The following MOCOS variants were observed in gnomAD, a reference collection of about 807,000 sequenced individuals.
MOCOS encodes the protein molybdenum cofactor sulfurase, also known as human molybdenum cofactor sulfurase.
Under a neutral mutation model 83.6 loss-of-function variants are expected in MOCOS, and 86 were observed. The observed-to-expected ratio is 1.03, with a 90% CI of 0.86 to 1.23. MOCOS has a LOEUF of 1.23. MOCOS is among the 50% of genes most tolerant of loss of function. The pLI is 0.00. For synonymous variants in MOCOS, 445 were observed against 434.7 expected (o/e 1.02, Z -0.29); for missense variants, 1,120 against 1,126.9 (o/e 0.99, Z 0.09).
At chr18:36,225,488 G>A (rs1029601155) in intron 9 of MOCOS, among the ~76,000 whole-genome samples, 2 of 152,166 alleles carry the variant, frequency 1.3e-5, no homozygotes, top group African/African-American at 4.8e-5. Flanking sequence ...AAGCTTGTCA[G>A]TTCTGTTTTT....
intron 13 of MOCOS, among the ~76,000 whole-genome samples, chr18:36,266,276 C>T (rs2091681644): frequency 6.6e-6 from 1 of 152,158 alleles, no homozygotes; most frequent in Admixed American, 6.5e-5. Context: ...GATGGGATTA[C>T]AGGCATGCAT....
At chr18:36,239,269 G>A (rs942366400) in intron 9 of MOCOS, among the ~76,000 whole-genome samples, 2 of 151,838 alleles carry the variant, frequency 1.3e-5, no homozygotes, top group African/African-American at 4.8e-5. Flanking sequence ...GCAGCGGCTG[G>A]TACCAGTTTT....
At chr18:36,207,992 C>T (rs1261792851) in intron 6 of MOCOS, among the ~76,000 whole-genome samples, 2 of 152,044 alleles carry the variant, frequency 1.3e-5, no homozygotes, top group African/African-American at 2.4e-5. Flanking sequence ...GAAAGGGTCC[C>T]ATTTCAATCT....
At chr18:36,210,382 C>A (rs1459896429) in intron 6 of MOCOS, among the ~76,000 whole-genome samples, 1 of 152,104 alleles carries the variant, frequency 6.6e-6, no homozygotes, top group African/African-American at 2.4e-5. Flanking sequence ...AGACCCCTTG[C>A]CCCCACTGCC....
At chr18:36,267,995 G>A (rs1194782030) in intron 14 of MOCOS, among the ~76,000 whole-genome samples, 1 of 152,192 alleles carries the variant, frequency 6.6e-6, no homozygotes, top group Non-Finnish European at 1.5e-5. Context: ...AGATCGGAGA[G>A]CATGTCAAGT....
intron 9 of MOCOS, among the ~76,000 whole-genome samples, chr18:36,233,089 T>C (rs1438531280): frequency 6.6e-6 from 1 of 152,152 alleles, no homozygotes; most frequent in Non-Finnish European, 1.5e-5. Context: ...GTAAGTTCTT[T>C]AGGTGTGATT....
At chr18:36,241,117 G>A (rs969170370) in intron 9 of MOCOS, among the ~76,000 whole-genome samples, 3 of 152,168 alleles carry the variant, frequency 2.0e-5, no homozygotes, top group African/African-American at 4.8e-5. Flanking sequence ...GCTGGGAGCT[G>A]TAGACCGGAG....
intron 14 of MOCOS, 71 bp downstream of exon 14, chr18:36,266,924 A>T: frequency 7.9e-7 from 1 of 1,268,016 alleles, no homozygotes; most frequent in South Asian, 1.3e-5. Context: ...CTATGTTCAT[A>T]ATAGCACAGA....
chr18:36,211,911 C>T (rs1373987994), intron 6 of MOCOS, among the ~76,000 whole-genome samples: 1 of 152,170 alleles, frequency 6.6e-6, no homozygotes, highest in East Asian at 1.9e-4. Context: ...AGAGATGATG[C>T]CCTATTGGCT....
chr18:36,258,688 T>C (rs111481325), intron 12 of MOCOS, among the ~76,000 whole-genome samples: 24 of 152,016 alleles, frequency 1.6e-4, no homozygotes, highest in African/African-American at 5.8e-4. Flanking sequence ...TAAAAATTGA[T>C]TGAAGCACAA....
In MOCOS at chr18:36,199,874, C is replaced by G; in HGVS notation, c.491C>G (p.Ala164Gly). Residue 164 changes from alanine to glycine, a missense_variant, in exon 4 of 15, where the codon GCT becomes GGT. Ala to Gly is a moderately conservative substitution (Grantham distance 60). Transcript: ENST00000261326. ...SVVGMRNVTM[A>G]INVISTPVRP... ...GTGGGTATGCGGAACGTGACCATGG[C>G]TATAAATGTCATATCCACCCCGGTC... The G allele has an allele frequency of 6.2e-7, 1 of 1,614,000 alleles. No homozygotes were observed. The highest frequency in any genetic ancestry group is 8.5e-7 in the Non-Finnish European group (1 of 1,179,906).
chr18:36,266,382 C>T (rs139367883), intron 13 of MOCOS, among the ~76,000 whole-genome samples: 3,383 of 152,120 alleles, frequency 0.022, 61 homozygotes, highest in Non-Finnish European at 0.035. Context: ...GTGAACAGTC[C>T]GCCTCTGCCT....
rs964121156 is a variant in MOCOS, at chr18:36,271,664, G to A, written c.*2979G>A. ...AAGTCCTTTTTTAAAAAAACTTGGT[G>A]AGAACAGACAATAACTTGTCTTTCT... On this transcript the variant is annotated 3_prime_UTR_variant, in exon 15 of 15. Transcript: ENST00000261326. 1 of 152,188 alleles carries A rather than the reference G, an allele frequency of 6.6e-6. No individual in the cohort carries two copies. The highest frequency in any genetic ancestry group is 2.4e-5 in the African/African-American group (1 of 41,452). 9.4% of individuals were successfully genotyped at this position (152,188 alleles called of 1,614,324 possible). A position where few individuals can be genotyped will look rare whatever the true frequency, so the allele number is the denominator to read the frequency against.
intron 5 of MOCOS, among the ~76,000 whole-genome samples, chr18:36,203,939 A>G (rs1020209086): frequency 6.6e-6 from 1 of 152,154 alleles, no homozygotes; most frequent in Admixed American, 6.5e-5. Flanking sequence ...AGGGCCCCCA[A>G]ACTGCAGGTG....
At chr18:36,188,942 T>C (rs555696722) in intron 1 of MOCOS, among the ~76,000 whole-genome samples, 1 of 151,892 alleles carries the variant, frequency 6.6e-6, no homozygotes, top group Admixed American at 6.5e-5. Context: ...CTCTCTCAAC[T>C]ATTAATTATG....
chr18:36,227,471 C>A (rs1716822216), intron 9 of MOCOS, among the ~76,000 whole-genome samples: 1 of 151,934 alleles, frequency 6.6e-6, no homozygotes, highest in African/African-American at 2.4e-5. Flanking sequence ...TCCCAGCTCA[C>A]TGCAACCTCT....
chr18:36,216,435 G>T (rs1191290460), intron 8 of MOCOS, among the ~76,000 whole-genome samples: 1 of 152,162 alleles, frequency 6.6e-6, no homozygotes, highest in African/African-American at 2.4e-5. Flanking sequence ...AGGAGCTCCC[G>T]TTGGCCAAGT....
At chr18:36,204,204 ACT>A (rs1234135630) in intron 5 of MOCOS, among the ~76,000 whole-genome samples, 1 of 151,904 alleles carries the variant, frequency 6.6e-6, no homozygotes, top group East Asian at 1.9e-4. Context: ...CCAAACAGAA[ACT>A]CTGTACCCAT....
intron 9 of MOCOS, among the ~76,000 whole-genome samples, chr18:36,233,963 T>C (rs191906074): frequency 2.8e-4 from 42 of 152,316 alleles, no homozygotes; most frequent in African/African-American, 8.9e-4. Context: ...GGTTTGCAAA[T>C]ATTCTCTCTC....
Sources: allele counts gnomAD v4.1 joint callset (sites outside exome capture counted in the v4.1 genomes callset), GRCh38; gene constraint gnomAD v4.1.1; transcripts MANE v1.5; gene names NCBI Gene and HGNC (gene_info 2026-07-23, HGNC 2026-07-21).